ENTPD2: variants seen among roughly 807,000 people sequenced by gnomAD.
The protein encoded by ENTPD2 is CD39 antigen-like 1.
Under a neutral mutation model 46.8 loss-of-function variants are expected in ENTPD2, and 48 were observed. That is an observed-to-expected ratio of 1.03 (90% CI 0.81 to 1.30). The LOEUF (loss-of-function observed/expected upper bound fraction) is 1.30, where lower values mean the gene tolerates loss of function less well. ENTPD2 is among the 50% of genes most tolerant of loss of function. ENTPD2 has a pLI of 0.00. For missense variants in ENTPD2, 707 were observed against 651.1 expected, an observed-to-expected ratio of 1.09 and a Z score of -0.93; for synonymous variants, 316 against 286.1, an observed-to-expected ratio of 1.10 and a Z score of -1.06.
At position 137,050,988 on chromosome 9, in the gene ENTPD2, C is replaced by T. The variant is rs141307913; in HGVS notation, c.688G>A (p.Gly230Ser). The change falls in exon 5 of 9, where the codon GGC becomes AGC. Residue 230 changes from glycine to serine, a missense_variant. By Grantham distance (56) the Gly-to-Ser change is moderately conservative. Transcript: ENST00000355097. Reference protein sequence around the residue: ...RASEVQLHLYGQHYRVYTHSF... With the variant: ...RASEVQLHLYSQHYRVYTHSF... ...TGGGTGTAGACTCGGTAGTGCTGGCCGTAGAGATGCAGCTGGACCTCGCTG... is the reference window on the plus strand; with the variant it reads ...TGGGTGTAGACTCGGTAGTGCTGGCTGTAGAGATGCAGCTGGACCTCGCTG... 1.1e-4 allele frequency: 175 copies of T among 1,595,098 alleles called. No individual in the cohort carries two copies. Among genetic ancestry groups the T allele is most frequent in the Admixed American group, 2.8e-4 (16 of 58,070 alleles).
Position 137,048,370 on chromosome 9 carries a change from T to A in ENTPD2, c.*287A>T. ...TTGAGCGCTCTTTGCCCACCCAGGC[T>A]CCTGTGGGTACCAGAGTCTCAGTTC... On this transcript the variant is annotated 3_prime_UTR_variant, in exon 9 of 9. Transcript: ENST00000355097. The A allele has an allele frequency of 2.6e-6, 1 of 389,332 alleles. No individual in the cohort carries two copies. The highest frequency in any genetic ancestry group is 5.3e-5 in the East Asian group (1 of 19,008). The allele number at this position is 389,332 out of a possible 1,614,324, so 24.1% of individuals were successfully genotyped here. A position where few individuals can be genotyped will look rare whatever the true frequency, so the allele number is the denominator to read the frequency against.
At chr9:137,049,798 G>A in intron 7 of ENTPD2, 72 bp downstream of exon 7, 1 of 1,530,034 alleles carries the variant, frequency 6.5e-7, no homozygotes, top group Non-Finnish European at 8.8e-7. Context: ...GTCCATGCAG[G>A]GCTGGGGAGG....
Position 137,050,556 on chromosome 9 carries a change from G to GT in ENTPD2, c.775-19dup. The GT allele has an allele frequency of 6.2e-7, 1 of 1,607,826 alleles. No individual in the cohort carries two copies. Among genetic ancestry groups the GT allele is most frequent in the East Asian group, 2.2e-5 (1 of 44,756 alleles). On this transcript the variant is annotated intron_variant, in intron 5 of 8. Coordinates refer to ENST00000355097, the MANE Select transcript of ENTPD2 (RefSeq NM_203468.3). ...CCGTGGGTCTGGGGGAATCACCAGC[G>GT]TGACAGGGTGGCACCACCACCGCTC...
At chr9:137,048,919 G>GC in intron 8 of ENTPD2, 22 bp downstream of exon 8, 2 of 693,898 alleles carry the variant, frequency 2.9e-6, no homozygotes, top group Non-Finnish European at 4.4e-6. Flanking sequence ...GGTCGGCCCC[G>GC]CCCCGCCCCG....
chr9:137,050,608 A>G, intron 5 of ENTPD2, 70 bp from the exon 6 acceptor site: 2 of 1,553,330 alleles, frequency 1.3e-6, no homozygotes, highest in South Asian at 2.4e-5. Flanking sequence ...CAAACCTCCC[A>G]CAGGTCTCAC....
chr9:137,049,272 C>T (rs1200814674), intron 7 of ENTPD2, 197 bp from the exon 8 acceptor site: 3 of 920,644 alleles, frequency 3.3e-6, no homozygotes, highest in Non-Finnish European at 5.1e-6. Context: ...CGCTTCCATC[C>T]CTCCCCAGCC....
Position 137,049,050 on chromosome 9 carries a change from C to T in ENTPD2, c.1175G>A (p.Arg392Gln). ...AQLQARVPGQ[R>Q]ARLADYCAGA... ...GGCGCAGTAGTCGGCCAGGCGGGCC[C>T]GTTGCCCTGGCACCCGAGCTTGCAG... is the stretch of plus-strand genomic sequence containing the variant. Residue 392 changes from arginine (R) to glutamine (Q), a missense_variant, in exon 8 of 9, where the codon CGG becomes CAG. Physicochemically the swap from Arg to Gln is conservative, Grantham distance 43 (BLOSUM62 1). Transcript: ENST00000355097. 3.3e-6 allele frequency: 5 copies of T among 1,534,118 alleles called. No individual in the cohort carries two copies. Among genetic ancestry groups the T allele is most frequent in the Non-Finnish European group, 4.4e-6 (5 of 1,144,880 alleles).
In ENTPD2 at chr9:137,052,347, TACTG is replaced by T; in HGVS notation, c.118-3_118del. On this transcript the variant is annotated splice_acceptor_variant and splice_polypyrimidine_tract_variant and coding_sequence_variant and intron_variant, in exon 2 of 9. Transcript: ENST00000355097. LOFTEE classifies it high-confidence loss of function. The stretch of plus-strand genomic sequence containing the variant: ...AGAACCAGCGTCCAGGACGATGCCA[TACTG>T]CGGGGGAGGGGGAGGGAGTCAGCCT... 1 of 1,276,052 alleles carries T rather than the reference TACTG, an allele frequency of 7.8e-7. No homozygotes were observed. Among genetic ancestry groups the T allele is most frequent in the Non-Finnish European group, 1.1e-6 (1 of 905,006 alleles). 79.0% of individuals were successfully genotyped at this position (1,276,052 alleles called of 1,614,324 possible). A position where few individuals can be genotyped will look rare whatever the true frequency, so the allele number is the denominator to read the frequency against.
chr9:137,052,105 A>T, intron 2 of ENTPD2, 126 bp downstream of exon 2: 1 of 828,326 alleles, frequency 1.2e-6, no homozygotes, highest in Non-Finnish European at 1.9e-6. Context: ...CTCTCTTTCC[A>T]GGGCTTCTGC....
intron 1 of ENTPD2, among the ~76,000 whole-genome samples, chr9:137,053,572 G>A (rs1366238933): frequency 6.6e-6 from 1 of 152,344 alleles, no homozygotes; most frequent in South Asian, 2.1e-4. Flanking sequence ...AGGGGGCATC[G>A]CTGGGCTATC....
At position 137,048,781 on chromosome 9, in the gene ENTPD2, A is replaced by C; in HGVS notation, c.1364T>G (p.Leu455Arg). ...GGAGCTGAAGTCTGTGCCCTTGCGC[A>C]GCCCCGGCGGGTCGGCGGGGATCAG... ...TNLIPADPPGLRKGTDFSSWV... is the reference protein window; with the variant it reads ...TNLIPADPPGRRKGTDFSSWV... Residue 455 changes from leucine (L) to arginine (R), a missense_variant, in exon 9 of 9, where the codon CTG becomes CGG. By Grantham distance (102) the Leu-to-Arg change is moderately radical (BLOSUM62 -2). Coordinates refer to ENST00000355097, the MANE Select transcript of ENTPD2 (RefSeq NM_203468.3). 2 of 1,593,322 alleles carry C rather than the reference A, an allele frequency of 1.3e-6. No individual in the cohort carries two copies. The highest frequency in any genetic ancestry group is 2.3e-5 in the South Asian group (2 of 88,224).
chr9:137,049,825 C>T, intron 7 of ENTPD2, 45 bp downstream of exon 7: 1 of 1,574,990 alleles, frequency 6.3e-7, no homozygotes, highest in Non-Finnish European at 8.6e-7. Context: ...GAGGCGGAGG[C>T]TGAGCCCTTC....
chr9:137,049,355 C>A, intron 7 of ENTPD2: 1 of 665,522 alleles, frequency 1.5e-6, no homozygotes, highest in Non-Finnish European at 2.7e-6. Context: ...GCAGCAACAC[C>A]TTGGTGTGTG....
intron 1 of ENTPD2, chr9:137,053,448 A>ACC (rs1038818811): frequency 1.3e-5 from 2 of 155,524 alleles, no homozygotes; most frequent in African/African-American, 4.8e-5. Flanking sequence ...TGGGCTGAAT[A>ACC]CCCAGTCGAT....
chr9:137,051,421 C>T (rs1284631076), intron 3 of ENTPD2, 51 bp from the exon 4 acceptor site: 1 of 1,538,498 alleles, frequency 6.5e-7, no homozygotes, highest in Non-Finnish European at 8.8e-7. Context: ...TGGCTGTGAG[C>T]CTGCTGTAGG....
In ENTPD2 at chr9:137,052,217, G is replaced by C. The variant is rs767935542; in HGVS notation, c.235+14C>G. The C allele has an allele frequency of 1.9e-6, 3 of 1,610,454 alleles. No homozygotes were observed. Among genetic ancestry groups the C allele is most frequent in the Non-Finnish European group, 2.5e-6 (3 of 1,178,174 alleles). On this transcript the variant is annotated intron_variant, in intron 2 of 8. Coordinates refer to ENST00000355097, the MANE Select transcript of ENTPD2 (RefSeq NM_203468.3). Reference sequence around the variant, plus strand: ...AGTGAGTGGGCGTCCTGGCTGGGCTGGGCTGGGCCTCACCTGGAACATCAC... The same window carrying C: ...AGTGAGTGGGCGTCCTGGCTGGGCTCGGCTGGGCCTCACCTGGAACATCAC...
Position 137,048,867 on chromosome 9 carries a change from G to A in ENTPD2, c.1285-7C>T. 2.6e-6 allele frequency: 4 copies of A among 1,523,018 alleles called. No individual in the cohort carries two copies. In the South Asian group the frequency reaches 5.1e-5, roughly 20 times the overall value. The allele number at this position is 1,523,018 out of a possible 1,614,324, so 94.3% of individuals were successfully genotyped here. ...CCACTGCAGTGTCCGCGGCCTGCGG[G>A]GAAGGGCGTGGCCTCAGCTCCCGAG... is the stretch of plus-strand genomic sequence containing the variant. On this transcript the variant is annotated splice_region_variant and splice_polypyrimidine_tract_variant and intron_variant, in intron 8 of 8. Coordinates refer to ENST00000355097, the MANE Select transcript of ENTPD2 (RefSeq NM_203468.3).
intron 7 of ENTPD2, chr9:137,049,483 G>A (rs774822259): frequency 3.1e-5 from 14 of 446,844 alleles, no homozygotes; most frequent in Non-Finnish European, 4.5e-5. Context: ...ATGGGGCCTC[G>A]CTCACCACCC....
In ENTPD2 at chr9:137,053,757, G is replaced by A. The variant is rs188090942; in HGVS notation, c.117+124C>T. ...CGGAACCCGGGACCCCACCCAGCCC[G>A]CCAGGAGCAGAGCACGGTGGGGGTC... On this transcript the variant is annotated intron_variant, in intron 1 of 8. Coordinates refer to ENST00000355097, the MANE Select transcript of ENTPD2 (RefSeq NM_203468.3). 7.8e-5 allele frequency: 48 copies of A among 611,836 alleles called. No homozygotes were observed. The Middle Eastern group carries it at 2.5e-3, about 32-fold the overall frequency. 37.9% of individuals were successfully genotyped at this position (611,836 alleles called of 1,614,324 possible). A position where few individuals can be genotyped will look rare whatever the true frequency, so the allele number is the denominator to read the frequency against.
Sources: gnomAD v4.1 joint callset for allele counts (sites outside exome capture counted in the v4.1 genomes callset) on GRCh38, gnomAD v4.1.1 for gene constraint, MANE v1.5 for transcripts, NCBI Gene and HGNC (gene_info 2026-07-23, HGNC 2026-07-21) for gene names.